Variants in TBC1D32 observed in about 807,000 individuals in gnomAD.
The protein encoded by TBC1D32 is protein broad-minded.
A neutral mutation model predicts 170.3 loss-of-function variants in TBC1D32; 151 were observed. The ratio of observed to expected loss-of-function variants is 0.89; its 90% CI spans 0.78 to 1.01. The LOEUF is 1.01. TBC1D32 is among the 50% of genes least tolerant of loss of function. The pLI is 0.00. For missense variants in TBC1D32, 1,464 were observed against 1,457.1 expected, an observed-to-expected ratio of 1.00 and a Z score of -0.08; for synonymous variants, 498 against 488.0, an observed-to-expected ratio of 1.02 and a Z score of -0.27.
At chr6:121,101,348 G>A (rs1223354739) in intron 30 of TBC1D32, among the ~76,000 whole-genome samples, 2 of 151,908 alleles carry the variant, frequency 1.3e-5, no homozygotes, top group African/African-American at 4.8e-5. Flanking sequence ...ATAAAATACT[G>A]GCAAACCAAA....
intron 21 of TBC1D32, among the ~76,000 whole-genome samples, chr6:121,219,013 T>C (rs1348209590): frequency 2.0e-5 from 3 of 152,192 alleles, no homozygotes; most frequent in Non-Finnish European, 2.9e-5. Context: ...TATGTCTTTA[T>C]TAGCAGCATG....
chr6:121,194,286 C>G (rs1478550417), intron 22 of TBC1D32, among the ~76,000 whole-genome samples: 1 of 152,156 alleles, frequency 6.6e-6, no homozygotes, highest in African/African-American at 2.4e-5. Context: ...CACATTGACT[C>G]TCTGACTGGT....
chr6:121,315,254 C>G lies in TBC1D32; in HGVS notation c.495+2241G>C, dbSNP rs1418439079. 3.3e-5 allele frequency among the ~76,000 whole-genome samples: 5 copies of G among 152,170 alleles called. No homozygotes were observed. In the East Asian group the frequency reaches 9.7e-4, roughly 29 times the overall value. On this transcript the variant is annotated intron_variant, in intron 3 of 31. Coordinates refer to ENST00000398212, the MANE Select transcript of TBC1D32 (RefSeq NM_152730.6). ...GGCTCACTTTTTTCTGTAGAATGGA[C>G]TAATAATACCTATAGTGAATATAAA...
chr6:121,183,700 A>G (rs1788822801), intron 22 of TBC1D32, among the ~76,000 whole-genome samples: 2 of 152,126 alleles, frequency 1.3e-5, no homozygotes, highest in Non-Finnish European at 2.9e-5. Flanking sequence ...GAAGAAATAC[A>G]GAAATCTCTA....
At chr6:121,315,481 T>C (rs1808798395) in intron 3 of TBC1D32, among the ~76,000 whole-genome samples, 2 of 152,176 alleles carry the variant, frequency 1.3e-5, no homozygotes, top group Non-Finnish European at 2.9e-5. Context: ...ACTAACAGTC[T>C]CCTGTTTTTC....
chr6:121,285,711 C>T (rs190564887), intron 12 of TBC1D32, among the ~76,000 whole-genome samples: 200 of 152,232 alleles, frequency 1.3e-3, no homozygotes, highest in African/African-American at 4.6e-3. Flanking sequence ...CCCTGACCCC[C>T]GAGTAGCCTA....
intron 24 of TBC1D32, among the ~76,000 whole-genome samples, chr6:121,136,228 A>G (rs1236654719): frequency 6.6e-6 from 1 of 152,224 alleles, no homozygotes; most frequent in Non-Finnish European, 1.5e-5. Context: ...CTGCCATCTC[A>G]GTAAAAAGAG....
At chr6:121,198,061 T>C (rs1790986989) in intron 22 of TBC1D32, among the ~76,000 whole-genome samples, 1 of 146,334 alleles carries the variant, frequency 6.8e-6, no homozygotes, top group East Asian at 1.9e-4. Context: ...GTTTTGAGAG[T>C]TGGACCGGCT....
chr6:121,135,916 C>A (rs1273738), intron 24 of TBC1D32, among the ~76,000 whole-genome samples: 41,252 of 151,894 alleles, frequency 0.27, 8,517 homozygotes, highest in African/African-American at 0.57. Flanking sequence ...CCCTGACAGT[C>A]AAGCTGATCC....
rs150089823 is a variant in TBC1D32, at chr6:121,181,809, C to T, written c.2571-20753G>A. On this transcript the variant is annotated intron_variant, in intron 22 of 31. Coordinates refer to ENST00000398212, the MANE Select transcript of TBC1D32 (RefSeq NM_152730.6). ...TTCAGCCATCAAAAAGAATGCAATC[C>T]TCTCATTTGCAACAACATCGATGGA... Among the ~76,000 whole-genome samples the T allele has an allele frequency of 2.3e-4, 35 of 152,194 alleles. 1 individual carries two copies. The East Asian group carries it at 6.2e-3, about 27-fold the overall frequency.
In TBC1D32 at chr6:121,223,301, C is replaced by T. The variant is rs1212985096; in HGVS notation, c.2416G>A (p.Val806Ile). 2 of 1,599,002 alleles carry T rather than the reference C, an allele frequency of 1.3e-6. No homozygotes were observed. The highest frequency in any genetic ancestry group is 1.7e-6 in the Non-Finnish European group (2 of 1,175,244). Residue 806 changes from valine (V) to isoleucine (I), a missense_variant, in exon 21 of 32, where the codon GTA becomes ATA. Coordinates refer to ENST00000398212, the MANE Select transcript of TBC1D32 (RefSeq NM_152730.6). The part of the protein sequence containing the change: ...LLSYPAIYEL[V>I]RNQDLPNKTE... Reference sequence around the variant, plus strand: ...TTATTAGGAAGATCTTGATTCCTTACAAGCTCATAAATAGCAGGATAGGAT... The same window carrying T: ...TTATTAGGAAGATCTTGATTCCTTATAAGCTCATAAATAGCAGGATAGGAT...
At chr6:121,082,240 G>T (rs1775714271) in intron 31 of TBC1D32, among the ~76,000 whole-genome samples, 1 of 151,864 alleles carries the variant, frequency 6.6e-6, no homozygotes, top group African/African-American at 2.4e-5. Flanking sequence ...TGAGTCAAAG[G>T]GAATATTTTT....
chr6:121,293,041 G>A (rs1046893316), intron 11 of TBC1D32, among the ~76,000 whole-genome samples: 1 of 151,712 alleles, frequency 6.6e-6, no homozygotes, highest in African/African-American at 2.4e-5. Flanking sequence ...TTGAGTACCA[G>A]AAAAGATAGA....
intron 30 of TBC1D32, among the ~76,000 whole-genome samples, chr6:121,092,993 TAA>T (rs1302064925): frequency 6.6e-6 from 1 of 152,164 alleles, no homozygotes; most frequent in East Asian, 1.9e-4. Context: ...TCTCAGGTGT[TAA>T]GAGTTTCCTT....
At chr6:121,122,366 C>G (rs1273722) in intron 26 of TBC1D32, among the ~76,000 whole-genome samples, 1 of 151,712 alleles carries the variant, frequency 6.6e-6, no homozygotes, top group South Asian at 2.1e-4. Context: ...GGATGTCATG[C>G]CTATGTTCAA....
intron 22 of TBC1D32, among the ~76,000 whole-genome samples, chr6:121,198,470 G>A (rs1254379432): frequency 2.7e-5 from 4 of 150,434 alleles, no homozygotes; most frequent in South Asian, 4.1e-4. Context: ...AAGAGTGACC[G>A]GCCTGGCACG....
chr6:121,261,750 A>G (rs1799797415), intron 15 of TBC1D32, among the ~76,000 whole-genome samples: 1 of 152,198 alleles, frequency 6.6e-6, no homozygotes, highest in African/African-American at 2.4e-5. Flanking sequence ...ACACCTCTCC[A>G]GCAAGGGCAC....
intron 22 of TBC1D32, among the ~76,000 whole-genome samples, chr6:121,203,368 A>G (rs1352867595): frequency 4.6e-5 from 7 of 151,380 alleles, no homozygotes; most frequent in African/African-American, 1.2e-4. Context: ...CTTTTCCTCA[A>G]AAAGTAATTT....
At chr6:121,105,989 G>A in intron 30 of TBC1D32, 34 bp downstream of exon 30, 2 of 1,547,452 alleles carry the variant, frequency 1.3e-6, no homozygotes, top group Non-Finnish European at 1.8e-6. Flanking sequence ...CTGAGATAAA[G>A]GAGTTGGAGA....
Sources: allele counts gnomAD v4.1 joint callset (sites outside exome capture counted in the v4.1 genomes callset), GRCh38; gene constraint gnomAD v4.1.1; transcripts MANE v1.5; gene names NCBI Gene and HGNC (gene_info 2026-07-23, HGNC 2026-07-21).